RBFOX1: variants seen among roughly 807,000 people sequenced by gnomAD.
RBFOX1 encodes the protein RNA binding fox-1 homolog 1.
In RBFOX1, 8 loss-of-function variants were observed where a neutral mutation model predicts 57.7. The ratio of observed to expected loss-of-function variants is 0.14; its 90% CI spans 0.08 to 0.25. The LOEUF is 0.25. RBFOX1 is among the 10% of genes least tolerant of loss of function. RBFOX1 has a pLI of 1.00. For missense variants in RBFOX1, 611 were observed against 548.5 expected (o/e 1.11, Z -1.14); for synonymous variants, 326 against 222.4 (o/e 1.47, Z -4.15).
intron 1 of RBFOX1, among the ~76,000 whole-genome samples, chr16:6,269,870 G>A (rs1599015075): frequency 6.6e-6 from 1 of 152,184 alleles, no homozygotes; most frequent in South Asian, 2.1e-4. Context: ...TTATCTTTAA[G>A]CAAAAATTAT....
rs147084684 is a variant in RBFOX1, at chr16:5,651,885, G to C, written c.318+52924G>C. Among the ~76,000 whole-genome samples the C allele has an allele frequency of 3.4e-3, 521 of 152,272 alleles. 3 individuals carry two copies. The highest frequency in any genetic ancestry group is 0.011 in the African/African-American group (474 of 41,548). On this transcript the variant is annotated intron_variant, in intron 3 of 19. Transcript: ENST00000641259. ...ACAGTGGCTCATGCCTGTAATCCCAGCATTCGGAAGGCCAAGGCAGGAGGA... is the reference window on the plus strand; with the variant it reads ...ACAGTGGCTCATGCCTGTAATCCCACCATTCGGAAGGCCAAGGCAGGAGGA...
chr16:6,277,477 A>C (rs958464224), intron 1 of RBFOX1, among the ~76,000 whole-genome samples: 5 of 150,440 alleles, frequency 3.3e-5, no homozygotes, highest in South Asian at 2.1e-4. Flanking sequence ...AAAAAAAAAA[A>C]ACCTCAATTT....
At chr16:6,129,575 G>T (rs1476048621) in intron 1 of RBFOX1, among the ~76,000 whole-genome samples, 1 of 151,966 alleles carries the variant, frequency 6.6e-6, no homozygotes, top group Non-Finnish European at 1.5e-5. Context: ...CATAGAGGTA[G>T]GGAGGAGAGA....
chr16:5,789,815 G>A (rs1042607164), intron 3 of RBFOX1, among the ~76,000 whole-genome samples: 2 of 152,154 alleles, frequency 1.3e-5, no homozygotes, highest in Admixed American at 1.3e-4. Context: ...CTAACCGCCA[G>A]GCCAACCTTC....
At chr16:6,776,262 T>G (rs1362787381) in intron 3 of RBFOX1, among the ~76,000 whole-genome samples, 2 of 151,648 alleles carry the variant, frequency 1.3e-5, no homozygotes, top group Non-Finnish European at 2.9e-5. Flanking sequence ...ATACAAAAAA[T>G]TAGCCGGGCG....
chr16:5,757,682 G>T (rs2053449300), intron 3 of RBFOX1, among the ~76,000 whole-genome samples: 1 of 152,302 alleles, frequency 6.6e-6, no homozygotes, highest in East Asian at 1.9e-4. Flanking sequence ...CCACATGCTT[G>T]TGATTTTATT....
At chr16:6,116,320 T>C (rs1275297457) in intron 1 of RBFOX1, among the ~76,000 whole-genome samples, 2 of 152,098 alleles carry the variant, frequency 1.3e-5, no homozygotes, top group East Asian at 1.9e-4. Context: ...CTAATGTAGA[T>C]GACAGGTTGA....
At chr16:7,437,401 G>C (rs1030541112) in intron 4 of RBFOX1, among the ~76,000 whole-genome samples, 3 of 152,080 alleles carry the variant, frequency 2.0e-5, no homozygotes, top group African/African-American at 7.3e-5. Context: ...GCTCTCCCAT[G>C]TCAGATTCTG....
In RBFOX1 at chr16:7,325,595, C is replaced by T. The variant is rs183677069; in HGVS notation, c.28-192552C>T. ...GTGGGGAGATGTGACTTCTCTTCTC[C>T]GGGTGTCTTTTTTTGCTAGATTAGT... On this transcript the variant is annotated intron_variant, in intron 4 of 15. Coordinates refer to ENST00000550418, the MANE Select transcript of RBFOX1 (RefSeq NM_018723.4). Among the ~76,000 whole-genome samples the T allele has an allele frequency of 2.0e-3, 306 of 152,246 alleles. 1 individual carries two copies. The highest frequency in any genetic ancestry group is 6.6e-3 in the African/African-American group (275 of 41,544).
intron 4 of RBFOX1, among the ~76,000 whole-genome samples, chr16:5,927,912 C>G (rs1427134734): frequency 1.3e-5 from 2 of 152,028 alleles, no homozygotes; most frequent in South Asian, 2.1e-4. Context: ...ATCCTGGAAA[C>G]AGAGAGTAGA....
At chr16:6,376,110 G>T (rs1006336610) in intron 2 of RBFOX1, among the ~76,000 whole-genome samples, 1 of 152,094 alleles carries the variant, frequency 6.6e-6, no homozygotes, top group Non-Finnish European at 1.5e-5. Context: ...CTTTTACAAT[G>T]AGCTCTCATA....
At chr16:5,713,507 C>T (rs1452310201) in intron 3 of RBFOX1, among the ~76,000 whole-genome samples, 1 of 152,126 alleles carries the variant, frequency 6.6e-6, no homozygotes, top group Admixed American at 6.5e-5. Context: ...TCTTTGTTGA[C>T]TCTTTGTTCC....
At chr16:7,053,008 C>G (rs1158083608) in intron 4 of RBFOX1, among the ~76,000 whole-genome samples, 1 of 152,180 alleles carries the variant, frequency 6.6e-6, no homozygotes, top group Admixed American at 6.5e-5. Flanking sequence ...TAGGAAACTC[C>G]TGTGCCCAAA....
At chr16:5,789,294 G>A (rs1231457471) in intron 3 of RBFOX1, among the ~76,000 whole-genome samples, 2 of 152,160 alleles carry the variant, frequency 1.3e-5, no homozygotes, top group African/African-American at 4.8e-5. Context: ...GGCGCATCAG[G>A]GAGGGAGGTG....
intron 1 of RBFOX1, among the ~76,000 whole-genome samples, chr16:5,371,621 G>C (rs926530006): frequency 2.0e-5 from 3 of 152,184 alleles, no homozygotes; most frequent in Admixed American, 1.3e-4. Flanking sequence ...GGTGTGAGCC[G>C]GTGATGTGTA....
chr16:6,016,400 T>C (rs565409894), upstream of RBFOX1, among the ~76,000 whole-genome samples: 26 of 152,182 alleles, frequency 1.7e-4, no homozygotes, highest in South Asian at 5.2e-3. Flanking sequence ...ATACAAAAGA[T>C]TGGATACAAC....
At chr16:6,366,043 C>G (rs1423523029) in intron 2 of RBFOX1, among the ~76,000 whole-genome samples, 3 of 150,870 alleles carry the variant, frequency 2.0e-5, no homozygotes, top group Non-Finnish European at 4.4e-5. Flanking sequence ...GGCTCCTTGC[C>G]TGACTTTCAT....
intron 1 of RBFOX1, among the ~76,000 whole-genome samples, chr16:6,023,848 A>G (rs766704721): frequency 9.9e-5 from 15 of 152,198 alleles, no homozygotes; most frequent in African/African-American, 1.9e-4. Flanking sequence ...GCTCTTCCCA[A>G]TGTCTACCTC....
At chr16:6,533,419 G>A (rs1307162812) in intron 2 of RBFOX1, among the ~76,000 whole-genome samples, 1 of 152,174 alleles carries the variant, frequency 6.6e-6, no homozygotes, top group African/African-American at 2.4e-5. Flanking sequence ...TACCAGCACT[G>A]TGATCACTGC....
Sources: allele counts gnomAD v4.1 joint callset (sites outside exome capture counted in the v4.1 genomes callset), GRCh38; gene constraint gnomAD v4.1.1; transcripts MANE v1.5; gene names NCBI Gene and HGNC (gene_info 2026-07-23, HGNC 2026-07-21).